The following NRXN1 variants were observed in gnomAD, a reference collection of about 807,000 sequenced individuals.
NRXN1 encodes neurexin-1.
Under a neutral mutation model 150.9 loss-of-function variants are expected in NRXN1, and 39 were observed. That is an observed-to-expected ratio of 0.26 (90% CI 0.20 to 0.34). The LOEUF is 0.34. Ranked by LOEUF, NRXN1 falls within the 10% of genes least tolerant of loss-of-function variation. NRXN1 has a pLI of 1.00. For missense variants in NRXN1, 1,815 were observed against 1,949.9 expected (o/e 0.93, Z 1.30); for synonymous variants, 924 against 757.0 (o/e 1.22, Z -3.62).
intron 2 of NRXN1, among the ~76,000 whole-genome samples, chr2:51,010,504 T>C (rs1667674010): frequency 6.6e-6 from 1 of 152,002 alleles, no homozygotes; most frequent in Non-Finnish European, 1.5e-5. Context: ...TCCATGTTAA[T>C]AAACATTTGG....
chr2:50,169,491 G>A (rs1300914672), intron 18 of NRXN1, among the ~76,000 whole-genome samples: 2 of 152,056 alleles, frequency 1.3e-5, no homozygotes, highest in African/African-American at 2.4e-5. Flanking sequence ...AAGGAGGGCG[G>A]ATTACGAGGT....
chr2:50,961,095 G>A (rs1195464214), intron 2 of NRXN1, among the ~76,000 whole-genome samples: 2 of 151,784 alleles, frequency 1.3e-5, no homozygotes, highest in African/African-American at 2.4e-5. Flanking sequence ...ACAGAGATAA[G>A]ACTTTAAAGA....
chr2:50,673,608 G>A (rs560823492), intron 5 of NRXN1, among the ~76,000 whole-genome samples: 1 of 152,118 alleles, frequency 6.6e-6, no homozygotes, highest in Non-Finnish European at 1.5e-5. Context: ...CAGGGTGGTT[G>A]CTTTATTTTG....
At chr2:50,596,541 T>C (rs1250547350) in intron 8 of NRXN1, among the ~76,000 whole-genome samples, 1 of 152,246 alleles carries the variant, frequency 6.6e-6, no homozygotes, top group Non-Finnish European at 1.5e-5. Flanking sequence ...AAATGTCTAA[T>C]TCCAGATCTC....
chr2:50,249,824 G>C (rs1355828595), intron 17 of NRXN1, among the ~76,000 whole-genome samples: 1 of 151,954 alleles, frequency 6.6e-6, no homozygotes, highest in Non-Finnish European at 1.5e-5. Flanking sequence ...TTTTAGTAGA[G>C]ATGGGGTTTC....
intron 8 of NRXN1, among the ~76,000 whole-genome samples, chr2:50,590,802 C>G (rs1674052975): frequency 6.6e-6 from 1 of 152,132 alleles, no homozygotes; most frequent in African/African-American, 2.4e-5. Flanking sequence ...TTCCCAGACT[C>G]TAGAACTGTG....
rs368722108 is a variant in NRXN1 at position 50,193,935 on chromosome 2, C to T, written c.3546+42854G>A. ...ACTGTTGATAATGACTATTACACTA[C>T]TATTACTCCTTACAGTAACAGCTAA... On this transcript the variant is annotated intron_variant, in intron 18 of 22. Coordinates refer to ENST00000401669, the MANE Select transcript of NRXN1 (RefSeq NM_001330078.2). Among the ~76,000 whole-genome samples, 16 of 152,256 alleles carry T rather than the reference C, an allele frequency of 1.1e-4. No homozygotes were observed. In the East Asian group the frequency reaches 1.2e-3, roughly 11 times the overall value.
intron 8 of NRXN1, among the ~76,000 whole-genome samples, chr2:50,579,274 T>C (rs1671893409): frequency 6.6e-6 from 1 of 152,204 alleles, no homozygotes; most frequent in African/African-American, 2.4e-5. Context: ...TGATTACATT[T>C]TGTACTTTTA....
At chr2:50,280,224 G>T (rs2071234628) in intron 17 of NRXN1, among the ~76,000 whole-genome samples, 1 of 145,882 alleles carries the variant, frequency 6.9e-6, no homozygotes. Context: ...CTTGCAGTGA[G>T]CCGAGATCAC....
chr2:50,489,758 T>TA (rs1309535818), intron 15 of NRXN1, among the ~76,000 whole-genome samples: 1 of 152,164 alleles, frequency 6.6e-6, no homozygotes, highest in Non-Finnish European at 1.5e-5. Context: ...AAGGAATTTT[T>TA]AAAAAATGCT....
chr2:50,037,239 C>CT lies in NRXN1; in HGVS notation c.4128+16031dup, dbSNP rs201440410. Among the ~76,000 whole-genome samples the CT allele has an allele frequency of 8.6e-5, 13 of 151,634 alleles. No individual in the cohort carries two copies. In the East Asian group the frequency reaches 2.1e-3, roughly 25 times the overall value. ...GTGTAAAATTTTTATCTCCTTTGTT[C>CT]TTTTTTTTAAGTCAGTTTCTGGGCT... On this transcript the variant is annotated intron_variant, in intron 21 of 22. Transcript: ENST00000401669.
intron 17 of NRXN1, among the ~76,000 whole-genome samples, chr2:50,250,521 T>C (rs963746762): frequency 1.3e-5 from 2 of 152,016 alleles, no homozygotes; most frequent in Non-Finnish European, 2.9e-5. Context: ...TCCAGATAAA[T>C]ACAGAGCACA....
At chr2:50,646,708 C>CTTTTTTTT (rs552231598) in intron 5 of NRXN1, among the ~76,000 whole-genome samples, 111 of 107,360 alleles carry the variant, frequency 1.0e-3, no homozygotes, top group East Asian at 2.1e-3. Context: ...TTCATGTTGT[C>CTTTTTTTT]TTTTTTTTTT....
intron 1 of NRXN1, among the ~76,000 whole-genome samples, 152 bp from the exon 2 acceptor site, chr2:51,029,346 G>C (rs183814490): frequency 6.6e-6 from 1 of 152,344 alleles, no homozygotes; most frequent in East Asian, 1.9e-4. Flanking sequence ...CTCACTACAA[G>C]TAAGTCCTAA....
chr2:50,524,504 T>A (rs1472149533), intron 12 of NRXN1, among the ~76,000 whole-genome samples: 1 of 143,098 alleles, frequency 7.0e-6, no homozygotes, highest in Non-Finnish European at 1.6e-5. Flanking sequence ...AATAAATAAA[T>A]AAATAAATAA....
intron 1 of NRXN1, among the ~76,000 whole-genome samples, 192 bp downstream of exon 1, chr2:51,031,789 C>G (rs1671599743): frequency 6.6e-6 from 1 of 152,108 alleles, no homozygotes; most frequent in South Asian, 2.1e-4. Flanking sequence ...CCCAGTTCCA[C>G]CATCTCTTCT....
At chr2:49,928,142 T>A (rs555742232) in intron 22 of NRXN1, among the ~76,000 whole-genome samples, 5 of 151,044 alleles carry the variant, frequency 3.3e-5, no homozygotes, top group Admixed American at 1.3e-4. Context: ...AAAAAAAACA[T>A]AGGCTATATA....
At chr2:50,984,706 T>C (rs1013065027) in intron 2 of NRXN1, among the ~76,000 whole-genome samples, 4 of 152,104 alleles carry the variant, frequency 2.6e-5, no homozygotes, top group African/African-American at 7.2e-5. Context: ...GTATCTTTAA[T>C]ATGGATAAGG....
At chr2:50,422,594 G>A (rs1189715091) in intron 17 of NRXN1, among the ~76,000 whole-genome samples, 1 of 152,012 alleles carries the variant, frequency 6.6e-6, no homozygotes, top group African/African-American at 2.4e-5. Flanking sequence ...GCTTTATGTT[G>A]GTCTAATCTA....
Sources: allele counts gnomAD v4.1 joint callset (sites outside exome capture counted in the v4.1 genomes callset), GRCh38; gene constraint gnomAD v4.1.1; transcripts MANE v1.5; gene names NCBI Gene and HGNC (gene_info 2026-07-23, HGNC 2026-07-21).